The following SYDE1 variants were observed in gnomAD, a reference collection of about 807,000 sequenced individuals.
SYDE1 encodes the protein rho GTPase-activating protein SYDE1.
In SYDE1, 34 loss-of-function variants were observed where a neutral mutation model predicts 63.3. That is an observed-to-expected ratio of 0.54 (90% CI 0.41 to 0.71). The LOEUF (loss-of-function observed/expected upper bound fraction) is 0.71. SYDE1 is among the 30% of genes least tolerant of loss of function. The pLI, the probability that SYDE1 is intolerant of heterozygous loss-of-function variation, is 0.00. For synonymous variants in SYDE1, 467 were observed against 473.4 expected (o/e 0.99, Z 0.18); for missense variants, 925 against 1,042.5 (o/e 0.89, Z 1.55).
chr19:15,113,359 C>G (rs2046358164), intron 7 of SYDE1, among the ~76,000 whole-genome samples: 1 of 152,234 alleles, frequency 6.6e-6, no homozygotes, highest in Non-Finnish European at 1.5e-5. Flanking sequence ...CCCTACCCAT[C>G]TTTGATGCAG....
chr19:15,107,982 C>T lies in SYDE1; in HGVS notation c.88+461C>T, dbSNP rs1026124275. The stretch of plus-strand genomic sequence containing the variant: ...TCAATCAGAGTAGCTGCCCCCTCCG[C>T]CTCCCACCTACTAACAGTGACGGCA... On this transcript the variant is annotated intron_variant, in intron 1 of 7. Transcript: ENST00000342784. 2.6e-5 allele frequency among the ~76,000 whole-genome samples: 4 copies of T among 152,158 alleles called. No homozygotes were observed. The South Asian group carries it at 8.3e-4, about 32-fold the overall frequency.
rs369343024 is a variant in SYDE1, at chr19:15,110,462, G to C, written c.1076-59G>C. ...GGCGGAAGGTGTGGCCTGGAGCAGC[G>C]AGGCCAGGGTACATGAAGCTTCAGA... On this transcript the variant is annotated intron_variant, in intron 3 of 7. Transcript: ENST00000342784. This position sits in a 1 kb window ranked among gnomAD's most constrained non-coding sequence, Gnocchi z 6.9. The C allele has an allele frequency of 4.3e-4, 645 of 1,508,594 alleles. 3 individuals carry two copies. In the East Asian group the frequency reaches 0.011, roughly 27 times the overall value. 93.5% of individuals were successfully genotyped at this position (1,508,594 alleles called of 1,614,324 possible). A position where few individuals can be genotyped will look rare whatever the true frequency, so the allele number is the denominator to read the frequency against.
chr19:15,109,678 G>T lies in SYDE1; in HGVS notation c.431-26G>T. 4 of 1,437,300 alleles carry T rather than the reference G, an allele frequency of 2.8e-6. No homozygotes were observed. Among genetic ancestry groups the T allele is most frequent in the Non-Finnish European group, 3.7e-6 (4 of 1,089,002 alleles). 89.0% of individuals were successfully genotyped at this position (1,437,300 alleles called of 1,614,324 possible). On this transcript the variant is annotated intron_variant, in intron 2 of 7. Transcript: ENST00000342784. The surrounding 1 kb of genome is among the most constrained non-coding windows in gnomAD (Gnocchi z 5.0). ...CCCCTCCCCTAAGCCCAGGTTCCTG[G>T]ACCCTGAAGTCTGCTCTCCACACAG... is the stretch of plus-strand genomic sequence containing the variant.
At position 15,112,397 on chromosome 19, in the gene SYDE1, G is replaced by A; in HGVS notation, c.1630G>A (p.Ala544Thr). Residue 544 changes from alanine to threonine, a missense_variant, in exon 7 of 8, where the codon GCC (alanine) becomes ACC (threonine). By Grantham distance (58) the Ala-to-Thr change is moderately conservative. Coordinates refer to ENST00000342784, the MANE Select transcript of SYDE1 (RefSeq NM_033025.6). The stretch of plus-strand genomic sequence containing the variant: ...CCTGCGCCTCGTCTCCTCCTTCCAT[G>A]CCTACAACCGCATGACCCCACAGAA... ...DHLRLVSSFH[A>T]YNRMTPQNLA... 6.3e-7 allele frequency: 1 copy of A among 1,596,744 alleles called. No individual in the cohort carries two copies. Among genetic ancestry groups the A allele is most frequent in the Non-Finnish European group, 8.5e-7 (1 of 1,171,880 alleles).
intron 1 of SYDE1, 92 bp downstream of exon 1, chr19:15,107,613 A>C: frequency 7.5e-6 from 6 of 801,936 alleles, no homozygotes; most frequent in East Asian, 5.6e-5. Context: ...GGTGGGGGGG[A>C]TCAGGGGGAG....
chr19:15,109,905 G>T lies in SYDE1; in HGVS notation c.632G>T (p.Gly211Val). The change falls in exon 3 of 8, where the codon GGG (glycine) becomes GTG (valine). Residue 211 changes from glycine (G) to valine (V), a missense_variant. Gly to Val is a moderately radical substitution (Grantham distance 109). Coordinates refer to ENST00000342784, the MANE Select transcript of SYDE1 (RefSeq NM_033025.6). The surrounding 1 kb of genome is among the most constrained non-coding windows in gnomAD (Gnocchi z 5.0). The part of the protein sequence containing the change: ...ISRYHLDSSV[G>V]GPGPAAGPGG... ...CGCTACCACCTGGACAGCAGCGTGG[G>T]GGGCCCCGGGCCGGCAGCAGGGCCT... 10 of 1,474,546 alleles carry T rather than the reference G, an allele frequency of 6.8e-6. No homozygotes were observed. Among genetic ancestry groups the T allele is most frequent in the Non-Finnish European group, 8.0e-6 (9 of 1,118,550 alleles). 91.3% of individuals were successfully genotyped at this position (1,474,546 alleles called of 1,614,324 possible).
chr19:15,114,122 T>G lies in SYDE1; in HGVS notation c.*159T>G. ...CAGTCGCGTGTATGGCTGAGACTCATTCCCAGTTTCCAGGGCCCGGTATTT... is the reference window on the plus strand; with the variant it reads ...CAGTCGCGTGTATGGCTGAGACTCAGTCCCAGTTTCCAGGGCCCGGTATTT... On this transcript the variant is annotated 3_prime_UTR_variant, in exon 8 of 8. Transcript: ENST00000342784. The G allele has an allele frequency of 2.9e-6, 2 of 695,032 alleles. No homozygotes were observed. The highest frequency in any genetic ancestry group is 4.8e-6 in the Non-Finnish European group (2 of 420,542). The allele number at this position is 695,032 out of a possible 1,614,324, so 43.1% of individuals were successfully genotyped here.
At position 15,110,543 on chromosome 19, in the gene SYDE1, C is replaced by A. The variant is rs750163098; in HGVS notation, c.1098C>A (p.Ala366=). The A allele has an allele frequency of 1.9e-5, 30 of 1,590,470 alleles. No individual in the cohort carries two copies. The highest frequency in any genetic ancestry group is 2.4e-5 in the Non-Finnish European group (28 of 1,171,318). Reference sequence around the variant, plus strand: ...CAGGGTGCCAGGCCCAACAGCTGGCCGTGCGCCTGGAGCCTCAGGGGCTGC... The same window carrying A: ...CAGGGTGCCAGGCCCAACAGCTGGCAGTGCGCCTGGAGCCTCAGGGGCTGC... ...VFRGCQAQQL[A]VRLEPQGLLY... Residue 366 remains alanine (A), a synonymous_variant, in exon 4 of 8, where the codon GCC becomes GCA. Transcript: ENST00000342784. This position sits in a 1 kb window ranked among gnomAD's most constrained non-coding sequence, Gnocchi z 6.9.
Position 15,111,892 on chromosome 19 carries a change from CATCATCAT to C in SYDE1, c.1578+104_1578+111del. On this transcript the variant is annotated intron_variant, in intron 6 of 7. Coordinates refer to ENST00000342784, the MANE Select transcript of SYDE1 (RefSeq NM_033025.6). The surrounding 1 kb of genome is among the most constrained non-coding windows in gnomAD (Gnocchi z 5.5). ...GCCTGAGATGGGCATGAGCTGGCAG[CATCATCAT>C]ATCCCCAAGAAATAGGTGCTATTAG... The C allele has an allele frequency of 8.3e-7, 1 of 1,198,558 alleles. No individual in the cohort carries two copies. The highest frequency in any genetic ancestry group is 2.5e-5 in the East Asian group (1 of 39,958). 74.2% of individuals were successfully genotyped at this position (1,198,558 alleles called of 1,614,324 possible).
At position 15,114,739 on chromosome 19, in the gene SYDE1, A is replaced by ATG. The variant is rs138660662; in HGVS notation, c.*788_*789dup. ...CGGAACATATTTATTGCCTCCATGC[A>ATG]TGTGTGTGTGTGTCTGTGAGGACTG... On this transcript the variant is annotated 3_prime_UTR_variant, in exon 8 of 8. Coordinates refer to ENST00000342784, the MANE Select transcript of SYDE1 (RefSeq NM_033025.6). 36 of 178,136 alleles carry ATG rather than the reference A, an allele frequency of 2.0e-4. No individual in the cohort carries two copies. The highest frequency in any genetic ancestry group is 3.5e-4 in the Non-Finnish European group (30 of 85,230). 11.0% of individuals were successfully genotyped at this position (178,136 alleles called of 1,614,324 possible). A position where few individuals can be genotyped will look rare whatever the true frequency, so the allele number is the denominator to read the frequency against.
intron 7 of SYDE1, 27 bp downstream of exon 7, chr19:15,112,598 A>C: frequency 6.6e-7 from 1 of 1,520,178 alleles, no homozygotes; most frequent in East Asian, 2.4e-5. Flanking sequence ...GGCCTGCACC[A>C]CCAATCTGAG....
At chr19:15,112,925 G>T (rs1297393904) in intron 7 of SYDE1, among the ~76,000 whole-genome samples, 2 of 151,786 alleles carry the variant, frequency 1.3e-5, no homozygotes, top group South Asian at 4.1e-4. Context: ...TTTTTTTTGA[G>T]ATGGAGTCTT....
rs553697641 is a variant in SYDE1 at position 15,108,464 on chromosome 19, G to T, written c.89-592G>T. Among the ~76,000 whole-genome samples the T allele has an allele frequency of 7.2e-5, 11 of 152,220 alleles. No individual in the cohort carries two copies. The highest frequency in any genetic ancestry group is 2.6e-4 in the African/African-American group (11 of 41,540). ...GTCTGGCCTGGGCTGAGGGACAAGG[G>T]CCCATCCCAGGATGGCGACAGAGTT... On this transcript the variant is annotated intron_variant, in intron 1 of 7. Coordinates refer to ENST00000342784, the MANE Select transcript of SYDE1 (RefSeq NM_033025.6). The surrounding 1 kb of genome is among the most constrained non-coding windows in gnomAD (Gnocchi z 4.3).
Position 15,108,861 on chromosome 19 carries a change from G to A in SYDE1, c.89-195G>A, listed in dbSNP as rs2046322505. 2 of 789,352 alleles carry A rather than the reference G, an allele frequency of 2.5e-6. No homozygotes were observed. Among genetic ancestry groups the A allele is most frequent in the South Asian group, 2.9e-5 (1 of 34,060 alleles). The allele number at this position is 789,352 out of a possible 1,614,324, so 48.9% of individuals were successfully genotyped here. On this transcript the variant is annotated intron_variant, in intron 1 of 7. Transcript: ENST00000342784. The surrounding 1 kb of genome is among the most constrained non-coding windows in gnomAD (Gnocchi z 4.3). ...TGGGATGCCAGGGACTGAGTAGGGGGTGCTCTAAGCTGATAACTGAGATCG... is the reference window on the plus strand; with the variant it reads ...TGGGATGCCAGGGACTGAGTAGGGGATGCTCTAAGCTGATAACTGAGATCG...
rs1347323552 is a variant in SYDE1, at chr19:15,111,181, C to T, written c.1291-132C>T. 2.1e-6 allele frequency: 2 copies of T among 956,294 alleles called. No individual in the cohort carries two copies. The highest frequency in any genetic ancestry group is 3.2e-6 in the Non-Finnish European group (2 of 630,060). The allele number at this position is 956,294 out of a possible 1,614,324, so 59.2% of individuals were successfully genotyped here. Reference sequence around the variant, plus strand: ...CAGAGGGTTTACAAGGCCAGGTTGTCAAGGTAGTTCCAACCTCCCAGCCCA... The same window carrying T: ...CAGAGGGTTTACAAGGCCAGGTTGTTAAGGTAGTTCCAACCTCCCAGCCCA... On this transcript the variant is annotated intron_variant, in intron 4 of 7. Coordinates refer to ENST00000342784, the MANE Select transcript of SYDE1 (RefSeq NM_033025.6). The surrounding 1 kb of genome is among the most constrained non-coding windows in gnomAD (Gnocchi z 5.5).
At chr19:15,107,545 AG>A in intron 1 of SYDE1, 24 bp downstream of exon 1, 5 of 1,518,106 alleles carry the variant, frequency 3.3e-6, no homozygotes, top group African/African-American at 1.4e-5. Flanking sequence ...GGTGGGGAAC[AG>A]GGGGCGCCGA....
chr19:15,110,809 T>TGCCA lies in SYDE1; in HGVS notation c.1290+76_1290+79dup. 7.7e-7 allele frequency: 1 copy of TGCCA among 1,293,664 alleles called. No individual in the cohort carries two copies. The highest frequency in any genetic ancestry group is 1.0e-6 in the Non-Finnish European group (1 of 956,654). 80.1% of individuals were successfully genotyped at this position (1,293,664 alleles called of 1,614,324 possible). A position where few individuals can be genotyped will look rare whatever the true frequency, so the allele number is the denominator to read the frequency against. On this transcript the variant is annotated intron_variant, in intron 4 of 7. Coordinates refer to ENST00000342784, the MANE Select transcript of SYDE1 (RefSeq NM_033025.6). This position sits in a 1 kb window ranked among gnomAD's most constrained non-coding sequence, Gnocchi z 6.9. Reference sequence around the variant, plus strand: ...CTCTTCAGGACACCCTATGTACAGATGCCAGACCCCTACCCCCAGGCCTGA... The same window carrying TGCCA: ...CTCTTCAGGACACCCTATGTACAGATGCCAGCCAGACCCCTACCCCCAGGCCTGA...
Position 15,110,797 on chromosome 19 carries a change from C to A in SYDE1, c.1290+62C>A. Reference sequence around the variant, plus strand: ...GACCTCAGACCACTCTTCAGGACACCCTATGTACAGATGCCAGACCCCTAC... The same window carrying A: ...GACCTCAGACCACTCTTCAGGACACACTATGTACAGATGCCAGACCCCTAC... On this transcript the variant is annotated intron_variant, in intron 4 of 7. Transcript: ENST00000342784. This position sits in a 1 kb window ranked among gnomAD's most constrained non-coding sequence, Gnocchi z 6.9. The A allele has an allele frequency of 7.3e-7, 1 of 1,368,004 alleles. No individual in the cohort carries two copies. Among genetic ancestry groups the A allele is most frequent in the East Asian group, 2.5e-5 (1 of 39,674 alleles). The allele number at this position is 1,368,004 out of a possible 1,614,324, so 84.7% of individuals were successfully genotyped here. A position where few individuals can be genotyped will look rare whatever the true frequency, so the allele number is the denominator to read the frequency against.
chr19:15,111,912 A>C lies in SYDE1; in HGVS notation c.1578+120A>C. ...GGCAGCATCATCATATCCCCAAGAA[A>C]TAGGTGCTATTAGCATCCCACTTCA... On this transcript the variant is annotated intron_variant, in intron 6 of 7. Transcript: ENST00000342784. This position sits in a 1 kb window ranked among gnomAD's most constrained non-coding sequence, Gnocchi z 5.5. The C allele has an allele frequency of 2.9e-6, 3 of 1,024,270 alleles. No homozygotes were observed. Among genetic ancestry groups the C allele is most frequent in the Non-Finnish European group, 2.8e-6 (2 of 722,034 alleles). 63.4% of individuals were successfully genotyped at this position (1,024,270 alleles called of 1,614,324 possible). A position where few individuals can be genotyped will look rare whatever the true frequency, so the allele number is the denominator to read the frequency against.
Sources: allele counts gnomAD v4.1 joint callset (sites outside exome capture counted in the v4.1 genomes callset), GRCh38; gene constraint gnomAD v4.1.1; non-coding constraint Gnocchi (gnomAD v3.1); transcripts MANE v1.5; gene names NCBI Gene and HGNC (gene_info 2026-07-23, HGNC 2026-07-21).